MYO1B: variants seen among roughly 807,000 people sequenced by gnomAD.
MYO1B encodes unconventional myosin-Ib.
In MYO1B, 72 loss-of-function variants were observed where a neutral mutation model predicts 159.7. The ratio of observed to expected loss-of-function variants is 0.45; its 90% CI spans 0.37 to 0.55. The LOEUF (loss-of-function observed/expected upper bound fraction) is 0.55, where lower values mean the gene tolerates loss of function less well. Ranked by LOEUF, MYO1B falls within the 20% of genes least tolerant of loss-of-function variation. The pLI is 0.00. For synonymous variants in MYO1B, 468 were observed against 473.8 expected (o/e 0.99, Z 0.16); for missense variants, 1,062 against 1,364.8 (o/e 0.78, Z 3.50).
chr2:191,375,227 T>C (rs1348351478), intron 13 of MYO1B, among the ~76,000 whole-genome samples: 1 of 152,202 alleles, frequency 6.6e-6, no homozygotes. Context: ...GCAATGATTA[T>C]TTCAAATAAA....
At chr2:191,309,388 A>G (rs1689854145) in intron 3 of MYO1B, among the ~76,000 whole-genome samples, 1 of 151,732 alleles carries the variant, frequency 6.6e-6, no homozygotes, top group South Asian at 2.1e-4. Context: ...TGGCCTCCTC[A>G]CTGTGTCCCT....
intron 3 of MYO1B, among the ~76,000 whole-genome samples, chr2:191,311,691 G>C (rs1690011407): frequency 1.3e-5 from 2 of 152,190 alleles, no homozygotes; most frequent in South Asian, 2.1e-4. Context: ...CAAAATGGCA[G>C]ACTCTCATCT....
chr2:191,347,189 T>C (rs1289851320), intron 6 of MYO1B, among the ~76,000 whole-genome samples: 1 of 152,220 alleles, frequency 6.6e-6, no homozygotes, highest in South Asian at 2.1e-4. Flanking sequence ...GGCTCTTTCC[T>C]CCTTAAGGTT....
intron 4 of MYO1B, among the ~76,000 whole-genome samples, chr2:191,333,952 C>T (rs918103362): frequency 3.3e-5 from 5 of 152,288 alleles, no homozygotes; most frequent in Non-Finnish European, 5.9e-5. Context: ...GCTGTATCTA[C>T]GCCCACCCCT....
At chr2:191,358,879 G>A (rs756000712) in intron 7 of MYO1B, among the ~76,000 whole-genome samples, 11 of 152,214 alleles carry the variant, frequency 7.2e-5, no homozygotes, top group Admixed American at 1.3e-4. Context: ...AGGTCATCAC[G>A]TGTCCAGCTG....
chr2:191,379,442 C>G (rs983407747), intron 13 of MYO1B, among the ~76,000 whole-genome samples: 5 of 152,166 alleles, frequency 3.3e-5, no homozygotes, highest in African/African-American at 1.2e-4. Context: ...TTAGTTGTAA[C>G]TTAATCCTTA....
intron 2 of MYO1B, among the ~76,000 whole-genome samples, chr2:191,284,178 G>T (rs1688226804): frequency 6.6e-6 from 1 of 152,200 alleles, no homozygotes. Flanking sequence ...GGAGGAAGAG[G>T]AAGCAGTTCG....
intron 1 of MYO1B, among the ~76,000 whole-genome samples, chr2:191,275,852 A>C (rs931340138): frequency 3.9e-5 from 6 of 152,260 alleles, no homozygotes; most frequent in African/African-American, 1.4e-4. Flanking sequence ...TAATACAGAC[A>C]CATGTGTGCA....
chr2:191,408,037 A>G (rs1324377516), intron 24 of MYO1B, 78 bp from the exon 25 acceptor site: 8 of 903,836 alleles, frequency 8.9e-6, no homozygotes, highest in African/African-American at 1.7e-5. Context: ...ACATTTTTTC[A>G]TTTTTAATAG....
At chr2:191,416,266 A>C in intron 30 of MYO1B, 24 bp downstream of exon 30, 1 of 1,612,458 alleles carries the variant, frequency 6.2e-7, no homozygotes, top group Non-Finnish European at 8.5e-7. Flanking sequence ...TTGTTTGAAA[A>C]CCCTTTTTCT....
Position 191,400,207 on chromosome 2 carries a change from A to C in MYO1B, c.2296-175A>C, listed in dbSNP as rs143240260. ...GAAACCCATGCTTAATGATGTCTTCATTGTCCACCTTCTCATAGTCAGTTT... is the reference window on the plus strand; with the variant it reads ...GAAACCCATGCTTAATGATGTCTTCCTTGTCCACCTTCTCATAGTCAGTTT... On this transcript the variant is annotated intron_variant, in intron 21 of 30. Transcript: ENST00000392318. Among the ~76,000 whole-genome samples, 130 of 152,186 alleles carry C rather than the reference A, an allele frequency of 8.5e-4. 4 individuals carry two copies. In the East Asian group the frequency reaches 0.022, roughly 26 times the overall value.
At chr2:191,253,120 A>T (rs1219157343) in intron 1 of MYO1B, among the ~76,000 whole-genome samples, 2 of 152,208 alleles carry the variant, frequency 1.3e-5, no homozygotes, top group Non-Finnish European at 2.9e-5. Flanking sequence ...TGTTCCTGTA[A>T]AAAGGGTTCC....
At chr2:191,266,586 G>T (rs1272203439) in intron 1 of MYO1B, among the ~76,000 whole-genome samples, 3 of 152,192 alleles carry the variant, frequency 2.0e-5, no homozygotes, top group Non-Finnish European at 4.4e-5. Flanking sequence ...AATAGAATAG[G>T]TGTGAAAGAC....
At chr2:191,336,358 G>A (rs758335219) in intron 4 of MYO1B, among the ~76,000 whole-genome samples, 3 of 152,164 alleles carry the variant, frequency 2.0e-5, no homozygotes, top group South Asian at 2.1e-4. Flanking sequence ...AAACATTGGC[G>A]AGCATTTCAC....
intron 15 of MYO1B, among the ~76,000 whole-genome samples, chr2:191,384,048 G>A (rs748756397): frequency 2.0e-5 from 3 of 152,092 alleles, no homozygotes; most frequent in Admixed American, 6.5e-5. Flanking sequence ...GGAATTTTTC[G>A]GATGACCCAA....
At chr2:191,286,131 A>G (rs1688352919) in intron 2 of MYO1B, among the ~76,000 whole-genome samples, 2 of 152,362 alleles carry the variant, frequency 1.3e-5, no homozygotes, top group South Asian at 4.1e-4. Flanking sequence ...TCAATTTTAT[A>G]TGTCTATTGC....
At position 191,356,337 on chromosome 2, in the gene MYO1B, C is replaced by CTTTTTTTTTTTTTTTTTT. The variant is rs79525897; in HGVS notation, c.563-4291_563-4274dup. On this transcript the variant is annotated intron_variant, in intron 7 of 30. Coordinates refer to ENST00000392318, the MANE Select transcript of MYO1B (RefSeq NM_001130158.3). ...TTATAATACATACAAGGCTGGGCTT[C>CTTTTTTTTTTTTTTTTTT]TTTTTTTTTTTTTTTTTTTTGAGTT... Among the ~76,000 whole-genome samples the CTTTTTTTTTTTTTTTTTT allele has an allele frequency of 1.0e-4, 11 of 106,450 alleles. 1 individual carries two copies. Among genetic ancestry groups the CTTTTTTTTTTTTTTTTTT allele is most frequent in the African/African-American group, 1.7e-4 (5 of 28,934 alleles). 69.8% of individuals were successfully genotyped at this position (106,450 alleles called of 152,430 possible). A position where few individuals can be genotyped will look rare whatever the true frequency, so the allele number is the denominator to read the frequency against.
In MYO1B at chr2:191,296,574, T is replaced by C. The variant is rs190941458; in HGVS notation, c.251+348T>C. On this transcript the variant is annotated intron_variant, in intron 3 of 30. Transcript: ENST00000392318. ...CCTAAGCAGCTTTTTCATAGTGTTG[T>C]TGGGCCAAGAAAAATCCTGAGTGTT... 2.6e-5 allele frequency among the ~76,000 whole-genome samples: 4 copies of C among 152,320 alleles called. No homozygotes were observed. The East Asian group carries it at 5.8e-4, about 22-fold the overall frequency.
chr2:191,293,657 A>G (rs1478600641), intron 2 of MYO1B, among the ~76,000 whole-genome samples: 1 of 152,176 alleles, frequency 6.6e-6, no homozygotes, highest in Non-Finnish European at 1.5e-5. Flanking sequence ...GAGGATTACC[A>G]GAAGTGTTCT....
Sources: allele counts gnomAD v4.1 joint callset (sites outside exome capture counted in the v4.1 genomes callset), GRCh38; gene constraint gnomAD v4.1.1; transcripts MANE v1.5; gene names NCBI Gene and HGNC (gene_info 2026-07-23, HGNC 2026-07-21).